The following SLC9A7 variants were observed in gnomAD, a reference collection of about 807,000 sequenced individuals.
SLC9A7 encodes the protein solute carrier family 9 member A7.
In SLC9A7, 19 loss-of-function variants were observed where a neutral mutation model predicts 52.6. The ratio of observed to expected loss-of-function variants is 0.36; its 90% confidence interval spans 0.25 to 0.53. SLC9A7 has a LOEUF of 0.53. Ranked by LOEUF, SLC9A7 falls within the 20% of genes least tolerant of loss-of-function variation. The pLI is 0.91. For synonymous variants in SLC9A7, 226 were observed against 252.1 expected (o/e 0.90, Z 0.98); for missense variants, 455 against 597.9 (o/e 0.76, Z 2.49).
chrX:46,650,759 C>G (rs933107983), intron 10 of SLC9A7, among the ~76,000 whole-genome samples: 1 of 111,687 alleles, frequency 9.0e-6, no homozygotes, highest in Non-Finnish European at 1.9e-5. Context: ...TTAGATTCAC[C>G]AAGAAGAGCA....
At chrX:46,753,991 A>ATAC (rs1306018864) in intron 1 of SLC9A7, among the ~76,000 whole-genome samples, 1 of 107,339 alleles carries the variant, frequency 9.3e-6, no homozygotes, top group Non-Finnish European at 1.9e-5. Flanking sequence ...GTCTCAAATA[A>ATAC]TAATAATAAT....
At position 46,738,084 on chromosome X, in the gene SLC9A7, AAAGAAAGAAAGAAAGAAAGAAAGAG is replaced by A. The variant is rs796943748; in HGVS notation, c.325+20596_325+20620del. Among the ~76,000 whole-genome samples, 452 of 76,197 alleles carry A rather than the reference AAAGAAAGAAAGAAAGAAAGAAAGAG, an allele frequency of 5.9e-3. 8 individuals carry two copies. The highest frequency in any genetic ancestry group is 0.013 in the Middle Eastern group (2 of 150). The allele number at this position is 76,197 out of a possible 115,157, so 66.2% of individuals were successfully genotyped here. On this transcript the variant is annotated intron_variant, in intron 1 of 16. Coordinates refer to ENST00000616978, the MANE Select transcript of SLC9A7 (RefSeq NM_001257291.2). ...GAAAGAAAGAAAGAAAGAAAGAAAG[AAAGAAAGAAAGAAAGAAAGAAAGAG>A]AAAAGAAAAGAAAAGTTTGGACATC...
At chrX:46,694,642 A>G (rs1944424741) in intron 1 of SLC9A7, among the ~76,000 whole-genome samples, 1 of 111,711 alleles carries the variant, frequency 9.0e-6, no homozygotes, top group African/African-American at 3.3e-5. Flanking sequence ...GCTGGTGGGA[A>G]TGTATAATTG....
chrX:46,654,962 TTTTCTTTC>T (rs1556095190), intron 7 of SLC9A7, among the ~76,000 whole-genome samples: 72 of 100,674 alleles, frequency 7.2e-4, no homozygotes, highest in African/African-American at 1.8e-3. Context: ...GTATTTCTTT[TTTTCTTTC>T]TTTCTTTCTT....
intron 1 of SLC9A7, among the ~76,000 whole-genome samples, chrX:46,724,337 T>C (rs754791193): frequency 1.8e-5 from 2 of 111,683 alleles, no homozygotes; most frequent in South Asian, 7.4e-4. Flanking sequence ...AGTTAGTAAA[T>C]GGTAGACCCA....
Position 46,600,688 on chromosome X carries a change from CTG to C in SLC9A7, c.*6262_*6263del, listed in dbSNP as rs984781164. The C allele has an allele frequency of 2.7e-5, 3 of 112,322 alleles. No individual in the cohort carries two copies. The highest frequency in any genetic ancestry group is 3.8e-5 in the Non-Finnish European group (2 of 53,266). 9.3% of individuals were successfully genotyped at this position (112,322 alleles called of 1,213,427 possible). On this transcript the variant is annotated 3_prime_UTR_variant, in exon 17 of 17. Transcript: ENST00000616978. ...CTATGAAAATTGACACTGGAAAAAA[CTG>C]TTTATCTCTAGGTCTTGTTTTGAAA...
At chrX:46,728,274 T>C (rs1944976296) in intron 1 of SLC9A7, among the ~76,000 whole-genome samples, 1 of 111,533 alleles carries the variant, frequency 9.0e-6, no homozygotes, top group Non-Finnish European at 1.9e-5. Context: ...TGACGAAGGA[T>C]TGGTATCCAG....
At chrX:46,616,314 CAAA>C (rs34547861) in intron 15 of SLC9A7, among the ~76,000 whole-genome samples, 1 of 71,768 alleles carries the variant, frequency 1.4e-5, no homozygotes. Flanking sequence ...GACCCTGTCT[CAAA>C]AAAAAAAAAA....
rs372642039 is a variant in SLC9A7 at position 46,607,014 on chromosome X, C to G, written c.2119G>C (p.Gly707Arg). 2.0e-5 allele frequency: 24 copies of G among 1,209,320 alleles called. No individual in the cohort carries two copies. The highest frequency in any genetic ancestry group is 1.2e-4 in the East Asian group (4 of 33,728). ...EEVLERDLGM[G>R]DQKVSSRGTR... Reference sequence around the variant, plus strand: ...CCCCGGCTCGAAACCTTCTGGTCTCCCATTCCCAGGTCTCGCTCCAGCACT... The same window carrying G: ...CCCCGGCTCGAAACCTTCTGGTCTCGCATTCCCAGGTCTCGCTCCAGCACT... The change falls in exon 17 of 17, where the codon GGA becomes CGA. Residue 707 changes from glycine (G) to arginine (R), a missense_variant. Gly to Arg is a moderately radical substitution (Grantham distance 125). Around this residue, in one of 3 missense-constraint regions of SLC9A7, gnomAD observed 146 missense variants for 160.5 expected, o/e 0.91. Transcript: ENST00000616978.
chrX:46,637,606 C>T (rs1165079144), intron 12 of SLC9A7, among the ~76,000 whole-genome samples: 1 of 111,630 alleles, frequency 9.0e-6, no homozygotes, highest in African/African-American at 3.3e-5. Context: ...TCCACCATTT[C>T]GTGTGTGTTA....
intron 1 of SLC9A7, among the ~76,000 whole-genome samples, chrX:46,687,893 T>G (rs909448201): frequency 1.8e-5 from 2 of 112,117 alleles, no homozygotes; most frequent in African/African-American, 6.5e-5. Context: ...GTACTATAGA[T>G]TTGCCGTTTC....
At position 46,730,969 on chromosome X, in the gene SLC9A7, G is replaced by A. The variant is rs945884635; in HGVS notation, c.325+27736C>T. Among the ~76,000 whole-genome samples the A allele has an allele frequency of 2.8e-5, 3 of 107,529 alleles. No individual in the cohort carries two copies. In the Admixed American group the frequency reaches 3.1e-4, roughly 11 times the overall value. 93.4% of individuals were successfully genotyped at this position (107,529 alleles called of 115,157 possible). A position where few individuals can be genotyped will look rare whatever the true frequency, so the allele number is the denominator to read the frequency against. On this transcript the variant is annotated intron_variant, in intron 1 of 16. Transcript: ENST00000616978. ...AGGCATTTGGACAGAAAACAGGAAA[G>A]CTAATTTTAGAGTCATACACAAAAC...
At chrX:46,665,731 A>G (rs1358527034) in intron 5 of SLC9A7, among the ~76,000 whole-genome samples, 1 of 111,169 alleles carries the variant, frequency 9.0e-6, no homozygotes, top group African/African-American at 3.3e-5. Context: ...TGAGTCAATC[A>G]GCCTGACTCA....
intron 1 of SLC9A7, among the ~76,000 whole-genome samples, chrX:46,753,215 T>A (rs2147031993): frequency 8.9e-6 from 1 of 111,895 alleles, no homozygotes. Flanking sequence ...ATTGCAAAAG[T>A]AATGTGTCAG....
chrX:46,651,076 G>A, intron 10 of SLC9A7, 34 bp downstream of exon 10: 1 of 977,709 alleles, frequency 1.0e-6, no homozygotes, highest in Non-Finnish European at 1.5e-6. Context: ...GGTCGTCTCT[G>A]CATGTAGAAA....
intron 14 of SLC9A7, among the ~76,000 whole-genome samples, chrX:46,630,296 T>C (rs746005535): frequency 1.8e-5 from 2 of 111,868 alleles, no homozygotes; most frequent in Non-Finnish European, 3.8e-5. Context: ...ATGTGAAGTC[T>C]GCTGCAGACT....
intron 7 of SLC9A7, among the ~76,000 whole-genome samples, chrX:46,655,897 G>A (rs1281851854): frequency 8.9e-6 from 1 of 112,820 alleles, no homozygotes; most frequent in Non-Finnish European, 1.9e-5. Context: ...GCCTGCCTCT[G>A]TAGGCTCCAC....
At chrX:46,615,023 C>T (rs1463003714) in intron 15 of SLC9A7, among the ~76,000 whole-genome samples, 4 of 112,193 alleles carry the variant, frequency 3.6e-5, no homozygotes, top group Admixed American at 9.4e-5. Flanking sequence ...AGAGGATGTG[C>T]AGGCCTGGCT....
intron 14 of SLC9A7, among the ~76,000 whole-genome samples, chrX:46,628,901 G>A (rs752735543): frequency 7.1e-5 from 8 of 112,553 alleles, no homozygotes; most frequent in African/African-American, 1.6e-4. Context: ...GAGCCCTGCT[G>A]TTAGTGGCTC....
Sources: allele counts gnomAD v4.1 joint callset (sites outside exome capture counted in the v4.1 genomes callset), GRCh38; gene constraint gnomAD v4.1.1; regional missense constraint gnomAD v4.1.1; transcripts MANE v1.5; gene names NCBI Gene and HGNC (gene_info 2026-07-23, HGNC 2026-07-21).